FANCM: variants seen among roughly 807,000 people sequenced by gnomAD.
FANCM encodes Fanconi anemia group M protein.
In FANCM, 140 loss-of-function variants were observed where a neutral mutation model predicts 199.5. That is an observed-to-expected ratio of 0.70 (90% CI 0.61 to 0.81). The LOEUF (loss-of-function observed/expected upper bound fraction) is 0.81, where lower values mean the gene tolerates loss of function less well. FANCM is among the 30% of genes least tolerant of loss of function. The probability of loss-of-function intolerance (pLI) is 0.00; values close to 1 mark genes in which losing one functional copy is unlikely to be tolerated. For missense variants in FANCM, 2,410 were observed against 2,421.4 expected (o/e 1.00, Z 0.10); for synonymous variants, 840 against 836.8 (o/e 1.00, Z -0.07).
rs1888621475 is a variant in FANCM, at chr14:45,175,557, A to G, written c.2803A>G (p.Ser935Gly). 1.9e-6 allele frequency: 3 copies of G among 1,613,120 alleles called. No individual in the cohort carries two copies. Among genetic ancestry groups the G allele is most frequent in the Non-Finnish European group, 2.5e-6 (3 of 1,179,234 alleles). The change falls in exon 14 of 23, where the codon AGT becomes GGT. Residue 935 changes from serine (S) to glycine (G), a missense_variant. Transcript: ENST00000267430. Reference protein sequence around the residue: ...TECQFTNKSTSSLAGNVLDSG... With the variant: ...TECQFTNKSTGSLAGNVLDSG... ...GTGTCAGTTTACAAATAAATCCACT[A>G]GTTCACTTGCTGGAAATGTTTTAGA...
chr14:45,196,539 A>G lies in FANCM; in HGVS notation c.5708A>G (p.Glu1903Gly), dbSNP rs569435551. ...RICVIVEKDREKTGDTSRMFR... is the reference protein window; with the variant it reads ...RICVIVEKDRGKTGDTSRMFR... The stretch of plus-strand genomic sequence containing the variant: ...TGTGTGATTGTGGAAAAGGACAGAG[A>G]AAAAACAGGTTTGTATTTTTAAATA... Residue 1903 changes from glutamate (E) to glycine (G), a missense_variant, in exon 21 of 23, where the codon GAA (glutamate) becomes GGA (glycine). Coordinates refer to ENST00000267430, the MANE Select transcript of FANCM (RefSeq NM_020937.4). The G allele has an allele frequency of 6.2e-6, 10 of 1,613,530 alleles. No individual in the cohort carries two copies. In the Admixed American group the frequency reaches 1.3e-4, roughly 22 times the overall value.
At chr14:45,188,076 C>T (rs1300327948) in intron 19 of FANCM, among the ~76,000 whole-genome samples, 189 bp downstream of exon 19, 2 of 152,190 alleles carry the variant, frequency 1.3e-5, no homozygotes, top group Non-Finnish European at 1.5e-5. Context: ...CGGTGGCTCA[C>T]GCCTGTAATC....
chr14:45,160,111 C>T (rs1257347253), intron 9 of FANCM, among the ~76,000 whole-genome samples: 1 of 150,818 alleles, frequency 6.6e-6, no homozygotes, highest in East Asian at 1.9e-4. Context: ...AGCAATTCTC[C>T]TGCCTCAGCC....
chr14:45,149,069 G>C (rs1352784895), intron 4 of FANCM, 74 bp downstream of exon 4: 1 of 1,172,372 alleles, frequency 8.5e-7, no homozygotes, highest in East Asian at 2.4e-5. Context: ...AACAGGATTT[G>C]GATGTGATAA....
intron 9 of FANCM, 99 bp downstream of exon 9, chr14:45,159,379 T>A (rs1036091418): frequency 1.3e-6 from 1 of 794,668 alleles, no homozygotes; most frequent in African/African-American, 1.7e-5. Context: ...ATTAGCTACT[T>A]AAAAAGAATT....
At position 45,183,867 on chromosome 14, in the gene FANCM, G is replaced by C. The variant is rs772085199; in HGVS notation, c.4480G>C (p.Gly1494Arg). 5.0e-6 allele frequency: 8 copies of C among 1,611,652 alleles called. No individual in the cohort carries two copies. Among genetic ancestry groups the C allele is most frequent in the Non-Finnish European group, 6.8e-6 (8 of 1,178,350 alleles). Reference protein sequence around the residue: ...FKVCNGNARRGIKVPKRQSHL... With the variant: ...FKVCNGNARRRIKVPKRQSHL... ...GGTTTGTAACGGGAATGCCAGAAGA[G>C]GCATCAAAGTCCCAAAGAGACAGAG... The change falls in exon 17 of 23, where the codon GGC (glycine) becomes CGC (arginine). Residue 1494 changes from glycine (G) to arginine (R), a missense_variant. Physicochemically the swap from Gly to Arg is moderately radical, Grantham distance 125. Coordinates refer to ENST00000267430, the MANE Select transcript of FANCM (RefSeq NM_020937.4).
chr14:45,198,719 G>T lies in FANCM; in HGVS notation c.5792G>T (p.Arg1931Leu). 1 of 1,613,916 alleles carries T rather than the reference G, an allele frequency of 6.2e-7. No homozygotes were observed. The highest frequency in any genetic ancestry group is 2.2e-5 in the East Asian group (1 of 44,864). Residue 1931 changes from arginine (R) to leucine (L), a missense_variant, in exon 22 of 23, where the codon CGA becomes CTA. Coordinates refer to ENST00000267430, the MANE Select transcript of FANCM (RefSeq NM_020937.4). ...LLTTLIGAGI[R>L]ILFSSCQEET... Reference sequence around the variant, plus strand: ...ACTACCTTAATTGGCGCTGGAATCCGAATTCTTTTCAGTTCCTGCCAAGAA... The same window carrying T: ...ACTACCTTAATTGGCGCTGGAATCCTAATTCTTTTCAGTTCCTGCCAAGAA...
At chr14:45,143,278 C>T (rs905424449) in intron 3 of FANCM, among the ~76,000 whole-genome samples, 4 of 151,712 alleles carry the variant, frequency 2.6e-5, no homozygotes, top group Non-Finnish European at 5.9e-5. Context: ...GTGGTTCTCC[C>T]ACGTCAGCCT....
intron 11 of FANCM, 130 bp from the exon 12 acceptor site, chr14:45,170,459 G>C (rs1326891692): frequency 1.6e-6 from 1 of 629,624 alleles, no homozygotes; most frequent in East Asian, 3.0e-5. Context: ...CCAGGAGTTT[G>C]AGGTTACAGT....
intron 3 of FANCM, among the ~76,000 whole-genome samples, chr14:45,143,202 C>T (rs912415210): frequency 6.7e-6 from 1 of 148,944 alleles, no homozygotes; most frequent in Non-Finnish European, 1.5e-5. Flanking sequence ...CAGGGTCTCA[C>T]TGAGTCCTCC....
intron 20 of FANCM, 120 bp from the exon 21 acceptor site, chr14:45,196,052 G>A: frequency 9.8e-7 from 1 of 1,024,644 alleles, no homozygotes; most frequent in Non-Finnish European, 1.5e-6. Context: ...TGTCACTTTG[G>A]TCAAATTGAA....
chr14:45,171,929 CTCCG>C (rs1218301611), intron 12 of FANCM, among the ~76,000 whole-genome samples: 1 of 152,094 alleles, frequency 6.6e-6, no homozygotes, highest in East Asian at 1.9e-4. Context: ...TTTAAGGAAT[CTCCG>C]TATTGTATTG....
Position 45,140,692 on chromosome 14 carries a change from C to T in FANCM, c.742C>T (p.Pro248Ser). The T allele has an allele frequency of 6.3e-7, 1 of 1,588,242 alleles. No homozygotes were observed. ...HFRILALSAT[P>S]GSDIKAVQQV... ...TAGAATCTTGGCTCTAAGTGCCACA[C>T]CAGGTAGTGATATAAAGGTAAGTAA... The change falls in exon 3 of 23, where the codon CCA becomes TCA. Residue 248 changes from proline (P) to serine (S), a missense_variant. Transcript: ENST00000267430.
intron 5 of FANCM, among the ~76,000 whole-genome samples, chr14:45,152,194 A>C (rs759313972): frequency 6.6e-5 from 10 of 151,792 alleles, no homozygotes; most frequent in Admixed American, 6.6e-5. Flanking sequence ...ACGCCTGGCT[A>C]ATTTTTGTAT....
Position 45,176,264 on chromosome 14 carries a change from G to T in FANCM, c.3510G>T (p.Thr1170=). 1 of 1,613,924 alleles carries T rather than the reference G, an allele frequency of 6.2e-7. No homozygotes were observed. The highest frequency in any genetic ancestry group is 1.1e-5 in the South Asian group (1 of 91,074). ...PVSDKTAISE[T]PLVSQFLISD... ...CAGACAAAACTGCTATTAGTGAAAC[G>T]CCTCTGGTCTCTCAGTTCTTAATTT... Residue 1170 remains threonine, a synonymous_variant, in exon 14 of 23, where the codon ACG becomes ACT. Coordinates refer to ENST00000267430, the MANE Select transcript of FANCM (RefSeq NM_020937.4).
At chr14:45,152,379 A>T (rs1210869692) in intron 5 of FANCM, among the ~76,000 whole-genome samples, 1 of 152,064 alleles carries the variant, frequency 6.6e-6, no homozygotes, top group Non-Finnish European at 1.5e-5. Context: ...TAGTCTATTT[A>T]TTTTGTAAAG....
chr14:45,187,750 C>T (rs1245415378), intron 18 of FANCM, 31 bp from the exon 19 acceptor site: 1 of 1,039,744 alleles, frequency 9.6e-7, no homozygotes, highest in Admixed American at 1.8e-5. Flanking sequence ...AATAATTTTG[C>T]TAATTTATCT....
chr14:45,172,132 A>G (rs1374137488), intron 12 of FANCM, among the ~76,000 whole-genome samples: 1 of 151,924 alleles, frequency 6.6e-6, no homozygotes, highest in Admixed American at 6.6e-5. Flanking sequence ...CATTTTTTAT[A>G]TGTTTATTGG....
At chr14:45,147,930 C>T (rs527890825) in intron 3 of FANCM, among the ~76,000 whole-genome samples, 1 of 143,758 alleles carries the variant, frequency 7.0e-6, no homozygotes, top group East Asian at 2.1e-4. Context: ...GGGCGTGATG[C>T]CTCACACCTG....
Sources: allele counts gnomAD v4.1 joint callset (sites outside exome capture counted in the v4.1 genomes callset), GRCh38; gene constraint gnomAD v4.1.1; transcripts MANE v1.5; gene names NCBI Gene and HGNC (gene_info 2026-07-23, HGNC 2026-07-21).